Variants in RPSA2 observed in about 807,000 individuals in gnomAD.
RPSA2 encodes the protein ribosomal protein SA 2.
At chr19:23,829,917 A>G in the RPSA2 span, among the ~76,000 whole-genome samples, 2 of 152,282 alleles carry the variant, frequency 1.3e-5, no homozygotes, top group East Asian at 1.9e-4. Flanking sequence ...CTAGAAAATA[A>G]TGTATTTTTA....
chr19:23,849,745 C>T, the RPSA2 span, among the ~76,000 whole-genome samples: 5 of 152,052 alleles, frequency 3.3e-5, no homozygotes, highest in African/African-American at 9.7e-5. Flanking sequence ...TTTTAAATAG[C>T]CCTTTGGTGC....
chr19:23,768,998 C>T, the RPSA2 span, among the ~76,000 whole-genome samples: 2 of 152,128 alleles, frequency 1.3e-5, no homozygotes, highest in Admixed American at 6.5e-5. Context: ...CCTCTTCAGC[C>T]GGGCCTTGCC....
the RPSA2 span, among the ~76,000 whole-genome samples, chr19:23,844,910 G>T: frequency 3.4e-3 from 514 of 150,060 alleles, 4 homozygotes; most frequent in South Asian, 0.012. Flanking sequence ...TCTTTTTCAA[G>T]ACTTTTTTTT....
the RPSA2 span, chr19:23,782,506 G>T: frequency 6.6e-6 from 1 of 152,232 alleles, no homozygotes; most frequent in African/African-American, 2.4e-5. Flanking sequence ...TCAGGTAAAT[G>T]CCCTTTATAC....
At chr19:23,761,926 T>C in the RPSA2 span, among the ~76,000 whole-genome samples, 180 of 124,796 alleles carry the variant, frequency 1.4e-3, 18 homozygotes, top group African/African-American at 4.2e-3. Context: ...CTTTCTTTTT[T>C]TTTTTTTTTG....
chr19:23,848,154 A>C, the RPSA2 span, among the ~76,000 whole-genome samples: 11 of 152,208 alleles, frequency 7.2e-5, no homozygotes, highest in Non-Finnish European at 1.3e-4. Context: ...AGATTAAAGT[A>C]AGATAGGCAT....
At chr19:23,852,183 G>T in the RPSA2 span, among the ~76,000 whole-genome samples, 1 of 152,190 alleles carries the variant, frequency 6.6e-6, no homozygotes, top group Non-Finnish European at 1.5e-5. Flanking sequence ...AGCCTCAGGG[G>T]TCAAAGTTCT....
the RPSA2 span, among the ~76,000 whole-genome samples, chr19:23,863,951 A>G: frequency 3.9e-5 from 6 of 152,212 alleles, no homozygotes; most frequent in African/African-American, 1.4e-4. Context: ...ACAGACCACC[A>G]TGTTCACCAC....
the RPSA2 span, among the ~76,000 whole-genome samples, chr19:23,821,102 C>T: frequency 6.6e-6 from 1 of 152,194 alleles, no homozygotes; most frequent in East Asian, 1.9e-4. Flanking sequence ...TACATAGAAG[C>T]CCTTGATACC....
At chr19:23,809,928 C>G in the RPSA2 span, among the ~76,000 whole-genome samples, 1 of 152,112 alleles carries the variant, frequency 6.6e-6, no homozygotes. Context: ...TTTAAAGGAG[C>G]AAACACCTCT....
chr19:23,820,057 C>T, the RPSA2 span, among the ~76,000 whole-genome samples: 1,516 of 152,284 alleles, frequency 1.0e-2, 27 homozygotes, highest in African/African-American at 0.035. Context: ...CTTGACCCAT[C>T]CTGAAAAGGT....
the RPSA2 span, among the ~76,000 whole-genome samples, chr19:23,843,597 T>C: frequency 6.6e-6 from 1 of 152,172 alleles, no homozygotes; most frequent in African/African-American, 2.4e-5. Context: ...TCTAACTATT[T>C]TTGAGAAACT....
the RPSA2 span, among the ~76,000 whole-genome samples, chr19:23,770,598 C>T: frequency 0.56 from 84,931 of 152,018 alleles, 24,385 homozygotes; most frequent in East Asian, 0.79. Flanking sequence ...GAGATTTAAC[C>T]CCCCTTTTCT....
chr19:23,833,182 C>A, the RPSA2 span: 1 of 1,188,194 alleles, frequency 8.4e-7, no homozygotes, highest in Non-Finnish European at 1.1e-6. Flanking sequence ...GTCCTCAGCC[C>A]TAACTAAACA....
chr19:23,842,958 A>G, the RPSA2 span, among the ~76,000 whole-genome samples: 1 of 152,210 alleles, frequency 6.6e-6, no homozygotes, highest in Non-Finnish European at 1.5e-5. Flanking sequence ...AAAATCCAAT[A>G]TCCAGCACCA....
chr19:23,840,490 G>T, the RPSA2 span, among the ~76,000 whole-genome samples: 1 of 152,158 alleles, frequency 6.6e-6, no homozygotes, highest in African/African-American at 2.4e-5. Context: ...CACCATTTAG[G>T]TTCTATCTGA....
At chr19:23,826,909 C>T in the RPSA2 span, 2 of 481,774 alleles carry the variant, frequency 4.2e-6, no homozygotes, top group East Asian at 8.3e-5. Context: ...TCTGGTTGAT[C>T]TCGAACTCCT....
the RPSA2 span, among the ~76,000 whole-genome samples, chr19:23,855,382 T>C: frequency 1.3e-5 from 2 of 152,146 alleles, no homozygotes; most frequent in African/African-American, 4.8e-5. Context: ...TTTTAGCATA[T>C]GGAGAAGTAG....
At chr19:23,768,134 A>G in the RPSA2 span, among the ~76,000 whole-genome samples, 1 of 152,178 alleles carries the variant, frequency 6.6e-6, no homozygotes, top group Non-Finnish European at 1.5e-5. Context: ...TAAAAAGTCA[A>G]CGACTATGAA....
Sources: allele counts gnomAD v4.1 joint callset (sites outside exome capture counted in the v4.1 genomes callset), GRCh38; gene constraint gnomAD v4.1.1; transcripts MANE v1.5; gene names NCBI Gene and HGNC (gene_info 2026-07-23, HGNC 2026-07-21).